Variants in GYS2 observed in about 807,000 individuals in gnomAD.
GYS2 encodes glycogen [starch] synthase, liver.
Under a neutral mutation model 85.6 loss-of-function variants are expected in GYS2, and 80 were observed. That is an observed-to-expected ratio of 0.93 (90% confidence interval 0.78 to 1.13). The LOEUF is 1.13. GYS2 is among the 50% of genes most tolerant of loss of function. GYS2 has a pLI of 0.00. For synonymous variants in GYS2, 328 were observed against 300.7 expected, an observed-to-expected ratio of 1.09 and a Z score of -0.94; for missense variants, 881 against 854.9, an observed-to-expected ratio of 1.03 and a Z score of -0.38.
intron 4 of GYS2, among the ~76,000 whole-genome samples, chr12:21,571,281 A>G (rs1944381874): frequency 6.6e-6 from 1 of 152,172 alleles, no homozygotes; most frequent in Non-Finnish European, 1.5e-5. Flanking sequence ...CAGAAACCTT[A>G]TCCGTTTACA....
chr12:21,533,569 C>G (rs949296727), downstream of GYS2, among the ~76,000 whole-genome samples: 9 of 152,148 alleles, frequency 5.9e-5, no homozygotes, highest in Non-Finnish European at 1.3e-4. Context: ...GCCCTTAGTA[C>G]TCATAGAAAT....
rs189842380 is a variant in GYS2 at position 21,551,276 on chromosome 12, G to A, written c.1423-4806C>T. ...ATAGACACTTTTCATGTTTATTCAC[G>A]AAATAATAAGTATGCATTCTTCAGA... is the stretch of plus-strand genomic sequence containing the variant. On this transcript the variant is annotated intron_variant, in intron 11 of 15. Coordinates refer to ENST00000261195, the MANE Select transcript of GYS2 (RefSeq NM_021957.4). Among the ~76,000 whole-genome samples the A allele has an allele frequency of 4.0e-5, 6 of 149,682 alleles. No homozygotes were observed. The South Asian group carries it at 6.3e-4, about 16-fold the overall frequency.
Position 21,540,583 on chromosome 12 carries a change from A to G in GYS2, c.1646-10T>C. On this transcript the variant is annotated splice_polypyrimidine_tract_variant and intron_variant, in intron 13 of 15. Transcript: ENST00000261195. ...TCAACGATGTAAATACCTGAAGAACACAAAAGCCAAAGCACAAGTAAAAGT... is the reference window on the plus strand; with the variant it reads ...TCAACGATGTAAATACCTGAAGAACGCAAAAGCCAAAGCACAAGTAAAAGT... 1 of 1,612,608 alleles carries G rather than the reference A, an allele frequency of 6.2e-7. No homozygotes were observed. The highest frequency in any genetic ancestry group is 8.5e-7 in the Non-Finnish European group (1 of 1,178,656).
chr12:21,545,846 C>T (rs1029718205), intron 12 of GYS2, among the ~76,000 whole-genome samples: 3 of 152,174 alleles, frequency 2.0e-5, no homozygotes, highest in African/African-American at 7.2e-5. Flanking sequence ...TTTCACTGTA[C>T]ACCTTTTTAT....
In GYS2 at chr12:21,558,237, C is replaced by T. The variant is rs1040299197; in HGVS notation, c.1385G>A (p.Arg462Gln). Residue 462 changes from arginine to glutamine, a missense_variant, in exon 11 of 16, where the codon CGG becomes CAG. Arg to Gln is a conservative substitution (Grantham distance 43, BLOSUM62 1). Coordinates refer to ENST00000261195, the MANE Select transcript of GYS2 (RefSeq NM_021957.4). Reference protein sequence around the residue: ...STDPILSTIRRIGLFNNRTDR... With the variant: ...STDPILSTIRQIGLFNNRTDR... ...TGTGCGGTTGTTGAAAAGTCCAATC[C>T]GTCTAATGGTGCTGAGGATGGGGTC... 5 of 1,613,636 alleles carry T rather than the reference C, an allele frequency of 3.1e-6. No homozygotes were observed. The South Asian group carries it at 3.3e-5, about 11-fold the overall frequency.
intron 1 of GYS2, among the ~76,000 whole-genome samples, chr12:21,581,444 C>G (rs1188473690): frequency 6.6e-6 from 1 of 152,226 alleles, no homozygotes; most frequent in South Asian, 2.1e-4. Flanking sequence ...GTCATGTACC[C>G]CCTTAGAGTT....
chr12:21,575,642 A>G (rs1944435798), intron 3 of GYS2, among the ~76,000 whole-genome samples: 1 of 152,138 alleles, frequency 6.6e-6, no homozygotes, highest in Admixed American at 6.5e-5. Flanking sequence ...ACATCATGCC[A>G]TTTAAATTTG....
In GYS2 at chr12:21,594,010, T is replaced by C. The variant is rs572126248; in HGVS notation, c.121+10462A>G. Reference sequence around the variant, plus strand: ...AAAAAGAACAAAAACCATATGATCATCTCAATAGATACAGAAAAAGTATTT... The same window carrying C: ...AAAAAGAACAAAAACCATATGATCACCTCAATAGATACAGAAAAAGTATTT... On this transcript the variant is annotated intron_variant, in intron 1 of 15. Coordinates refer to ENST00000261195, the MANE Select transcript of GYS2 (RefSeq NM_021957.4). Among the ~76,000 whole-genome samples, 12 of 152,256 alleles carry C rather than the reference T, an allele frequency of 7.9e-5. No individual in the cohort carries two copies. In the South Asian group the frequency reaches 2.1e-3, roughly 26 times the overall value.
chr12:21,574,920 T>C (rs1458906821), intron 3 of GYS2, among the ~76,000 whole-genome samples: 2 of 151,928 alleles, frequency 1.3e-5, no homozygotes, highest in Non-Finnish European at 2.9e-5. Flanking sequence ...AAAATGCATA[T>C]GAAGAAAAAG....
intron 1 of GYS2, among the ~76,000 whole-genome samples, chr12:21,601,214 C>T (rs1176244875): frequency 1.3e-5 from 2 of 152,018 alleles, no homozygotes; most frequent in Non-Finnish European, 1.5e-5. Context: ...TTGGGCAAAA[C>T]TTTCCATCCT....
intron 3 of GYS2, 98 bp downstream of exon 3, chr12:21,575,768 T>C (rs1944437940): frequency 1.1e-6 from 1 of 908,892 alleles, no homozygotes; most frequent in African/African-American, 1.6e-5. Context: ...AATGGCATCA[T>C]CTCAAAATCT....
chr12:21,547,955 C>T, intron 11 of GYS2, among the ~76,000 whole-genome samples: 1 of 152,110 alleles, frequency 6.6e-6, no homozygotes, highest in East Asian at 1.9e-4. Flanking sequence ...ATATACAATA[C>T]TCCTTATTGT....
chr12:21,540,486 G>A lies in GYS2; in HGVS notation c.1733C>T (p.Ser578Leu). Reference sequence around the variant, plus strand: ...CCTCTGGATAATCCTTTGGCGGCGTGACTGTTTGCAAAATCCATAGAGAAA... The same window carrying A: ...CCTCTGGATAATCCTTTGGCGGCGTAACTGTTTGCAAAATCCATAGAGAAA... Reference protein sequence around the residue: ...TKFLYGFCKQSRRQRIIQRNR... With the variant: ...TKFLYGFCKQLRRQRIIQRNR... Residue 578 changes from serine (S) to leucine (L), a missense_variant, in exon 14 of 16, where the codon TCA becomes TTA. Transcript: ENST00000261195. 3 of 1,613,882 alleles carry A rather than the reference G, an allele frequency of 1.9e-6. No homozygotes were observed. The highest frequency in any genetic ancestry group is 2.5e-6 in the Non-Finnish European group (3 of 1,179,804).
chr12:21,546,513 C>A (rs752557211), intron 11 of GYS2, 43 bp from the exon 12 acceptor site: 1 of 1,398,008 alleles, frequency 7.2e-7, no homozygotes, highest in Non-Finnish European at 9.9e-7. Context: ...GAAAAAGGAG[C>A]AAGTAAAGTG....
At position 21,590,749 on chromosome 12, in the gene GYS2, C is replaced by T. The variant is rs182374191; in HGVS notation, c.122-10226G>A. ...GGGGCCCAAGGACAGGAATGCTAGG[C>T]CCACCACCACCACTGGGGCCAAGGA... On this transcript the variant is annotated intron_variant, in intron 1 of 15. Coordinates refer to ENST00000261195, the MANE Select transcript of GYS2 (RefSeq NM_021957.4). Among the ~76,000 whole-genome samples the T allele has an allele frequency of 1.3e-4, 20 of 152,248 alleles. No individual in the cohort carries two copies. The East Asian group carries it at 3.9e-3, about 29-fold the overall frequency.
At chr12:21,538,432 A>G (rs770520746) in intron 15 of GYS2, among the ~76,000 whole-genome samples, 9 of 152,182 alleles carry the variant, frequency 5.9e-5, no homozygotes, top group Non-Finnish European at 1.2e-4. Flanking sequence ...GTTTTTGGGA[A>G]TCTCTGAATG....
At chr12:21,595,071 T>C (rs1944680016) in intron 1 of GYS2, among the ~76,000 whole-genome samples, 1 of 152,136 alleles carries the variant, frequency 6.6e-6, no homozygotes, top group Non-Finnish European at 1.5e-5. Context: ...AGAATAAAAC[T>C]GGACTGCTGA....
At chr12:21,574,121 G>A (rs752621903) in intron 4 of GYS2, 23 bp downstream of exon 4, 1 of 1,557,592 alleles carries the variant, frequency 6.4e-7, no homozygotes, top group Non-Finnish European at 8.9e-7. Context: ...GTGAGTAAGA[G>A]GGAGGGAGGA....
At chr12:21,596,659 A>T (rs1049855860) in intron 1 of GYS2, among the ~76,000 whole-genome samples, 15 of 152,182 alleles carry the variant, frequency 9.9e-5, no homozygotes, top group Non-Finnish European at 1.9e-4. Flanking sequence ...AATGGGGAAA[A>T]GTTGAAAGCA....
Sources: gnomAD v4.1 joint callset for allele counts (sites outside exome capture counted in the v4.1 genomes callset) on GRCh38, gnomAD v4.1.1 for gene constraint, MANE v1.5 for transcripts, NCBI Gene and HGNC (gene_info 2026-07-23, HGNC 2026-07-21) for gene names.